Variants in NEDD1 observed in about 807,000 individuals in gnomAD.
The protein encoded by NEDD1 is NEDD1 gamma-tubulin ring complex targeting factor.
Under a neutral mutation model 74.0 loss-of-function variants are expected in NEDD1, and 33 were observed. The observed-to-expected ratio is 0.45, with a 90% CI of 0.34 to 0.60. The LOEUF (loss-of-function observed/expected upper bound fraction) is 0.60. NEDD1 is among the 20% of genes least tolerant of loss of function. NEDD1 has a pLI of 0.01. For synonymous variants in NEDD1, 250 were observed against 264.4 expected, an observed-to-expected ratio of 0.95 and a Z score of 0.53; for missense variants, 746 against 776.5, an observed-to-expected ratio of 0.96 and a Z score of 0.47.
chr12:96,923,849 CGT>C (rs138392345), intron 6 of NEDD1, among the ~76,000 whole-genome samples: 11 of 122,430 alleles, frequency 9.0e-5, no homozygotes, highest in South Asian at 2.7e-4. Context: ...TGCCTGTTTG[CGT>C]GTGTGTGTGT....
At position 96,920,030 on chromosome 12, in the gene NEDD1, T is replaced by A. The variant is rs1452603275; in HGVS notation, c.394T>A (p.Cys132Ser). The change falls in exon 6 of 16, where the codon TGC becomes AGC. Residue 132 changes from cysteine (C) to serine (S), a missense_variant. Cys to Ser is a moderately radical substitution (Grantham distance 112). Coordinates refer to ENST00000266742, the MANE Select transcript of NEDD1 (RefSeq NM_152905.4). ...TTGTGTAACATACAATTGGAATGAT[T>A]GCTACATTGCTTCTGGATCTCTTAG... is the stretch of plus-strand genomic sequence containing the variant. ...VTCVTYNWND[C>S]YIASGSLSGE... 7 of 1,601,152 alleles carry A rather than the reference T, an allele frequency of 4.4e-6. No homozygotes were observed. The highest frequency in any genetic ancestry group is 6.0e-6 in the Non-Finnish European group (7 of 1,168,784).
At chr12:96,926,451 A>G (rs1000224780) in intron 6 of NEDD1, among the ~76,000 whole-genome samples, 2 of 152,166 alleles carry the variant, frequency 1.3e-5, no homozygotes, top group African/African-American at 4.8e-5. Flanking sequence ...TTCTGCTGGT[A>G]AGGATGCAGT....
In NEDD1 at chr12:96,909,807, A is replaced by G. The variant is rs1873714361; in HGVS notation, c.48A>G (p.Ile16Met). The G allele has an allele frequency of 6.2e-7, 1 of 1,613,496 alleles. No individual in the cohort carries two copies. The highest frequency in any genetic ancestry group is 8.5e-7 in the Non-Finnish European group (1 of 1,179,544). ...CTTCATCAGGAGATGATATTAAAAT[A>G]TGGGATGCTTCATCTATGACATTGG... ...RFASSGDDIK[I>M]WDASSMTLVD... The change falls in exon 3 of 16, where the codon ATA becomes ATG. Residue 16 changes from isoleucine to methionine, a missense_variant. This residue lies in a region of NEDD1 where 11 missense variants were observed against 19.0 expected (regional missense o/e 0.58). Coordinates refer to ENST00000266742, the MANE Select transcript of NEDD1 (RefSeq NM_152905.4).
intron 9 of NEDD1, among the ~76,000 whole-genome samples, chr12:96,939,745 G>GA: frequency 6.6e-6 from 1 of 152,054 alleles, no homozygotes; most frequent in Non-Finnish European, 1.5e-5. Context: ...TACACTGCCA[G>GA]AAAAAATAAA....
At chr12:96,950,291 T>C (rs762620267) in intron 14 of NEDD1, among the ~76,000 whole-genome samples, 9 of 152,104 alleles carry the variant, frequency 5.9e-5, no homozygotes, top group Middle Eastern at 3.4e-3. Flanking sequence ...CTTGATGATA[T>C]AGAGCAAGAA....
At position 96,944,680 on chromosome 12, in the gene NEDD1, A is replaced by G. The variant is rs371712075; in HGVS notation, c.1539A>G (p.Leu513=). ...CATCTGGTGCTGAAAGTGGAAATCT[A>G]AATACCTCTCCATCATCTAACCAAA... is the stretch of plus-strand genomic sequence containing the variant. ...LVTSGAESGN[L]NTSPSSNQTR... Residue 513 remains leucine, a synonymous_variant, in exon 13 of 16, where the codon CTA becomes CTG. Coordinates refer to ENST00000266742, the MANE Select transcript of NEDD1 (RefSeq NM_152905.4). The G allele has an allele frequency of 4.3e-5, 69 of 1,601,884 alleles. 1 individual carries two copies. The East Asian group carries it at 6.5e-4, about 15-fold the overall frequency.
intron 6 of NEDD1, chr12:96,924,955 GATATCC>G: frequency 2.4e-6 from 1 of 410,834 alleles, no homozygotes; most frequent in South Asian, 1.8e-5. Context: ...TTGTTTTGTA[GATATCC>G]TTTATCTTAT....
At chr12:96,951,343 G>A (rs1852854857) in intron 14 of NEDD1, 89 bp from the exon 15 acceptor site, 2 of 651,834 alleles carry the variant, frequency 3.1e-6, no homozygotes, top group Non-Finnish European at 5.4e-6. Context: ...TCAGTAATTT[G>A]GCAAATGAAA....
At chr12:96,942,060 G>T (rs983941963) in intron 10 of NEDD1, among the ~76,000 whole-genome samples, 3 of 151,948 alleles carry the variant, frequency 2.0e-5, no homozygotes, top group Non-Finnish European at 2.9e-5. Flanking sequence ...GAATATTACA[G>T]GATTAAAATA....
At chr12:96,943,395 C>A (rs1036596743) in intron 11 of NEDD1, among the ~76,000 whole-genome samples, 165 bp from the exon 12 acceptor site, 9 of 151,986 alleles carry the variant, frequency 5.9e-5, no homozygotes, top group African/African-American at 1.9e-4. Flanking sequence ...AGACTTTTGC[C>A]CAAAAATACA....
In NEDD1 at chr12:96,912,705, C is replaced by G; in HGVS notation, c.137-18C>G. The G allele has an allele frequency of 8.1e-7, 1 of 1,229,866 alleles. No homozygotes were observed. The highest frequency in any genetic ancestry group is 1.2e-6 in the Non-Finnish European group (1 of 832,744). 76.2% of individuals were successfully genotyped at this position (1,229,866 alleles called of 1,614,324 possible). ...AGATGTTCATGGATTGTTTGATGCT[C>G]CATAACTCCTCATTTAGATAACTTT... On this transcript the variant is annotated intron_variant, in intron 3 of 15. Coordinates refer to ENST00000266742, the MANE Select transcript of NEDD1 (RefSeq NM_152905.4).
At chr12:96,915,657 G>A (rs1021386351) in intron 4 of NEDD1, among the ~76,000 whole-genome samples, 1 of 152,142 alleles carries the variant, frequency 6.6e-6, no homozygotes, top group African/African-American at 2.4e-5. Flanking sequence ...TGCATCTAAA[G>A]GTTACTTAGG....
intron 5 of NEDD1, among the ~76,000 whole-genome samples, 194 bp from the exon 6 acceptor site, chr12:96,919,791 C>T (rs1347939635): frequency 6.6e-6 from 1 of 152,128 alleles, no homozygotes; most frequent in Admixed American, 6.5e-5. Context: ...AATTACCTGT[C>T]CATAATCTCT....
chr12:96,918,028 A>G (rs954287177), intron 5 of NEDD1, among the ~76,000 whole-genome samples: 29 of 152,146 alleles, frequency 1.9e-4, no homozygotes, highest in African/African-American at 5.5e-4. Context: ...TTCCTAAACT[A>G]TGGTGTGTGG....
intron 3 of NEDD1, among the ~76,000 whole-genome samples, chr12:96,912,112 A>G (rs556623330): frequency 1.2e-3 from 170 of 141,442 alleles, no homozygotes; most frequent in African/African-American, 5.2e-3. Context: ...ATAAAATTAC[A>G]TTTTATTTAA....
chr12:96,920,949 G>A (rs552810410), intron 6 of NEDD1, among the ~76,000 whole-genome samples: 1 of 152,102 alleles, frequency 6.6e-6, no homozygotes, highest in South Asian at 2.1e-4. Flanking sequence ...TATATATTGG[G>A]GAATAATACA....
chr12:96,930,248 C>T (rs2086143622), intron 6 of NEDD1, among the ~76,000 whole-genome samples: 1 of 151,580 alleles, frequency 6.6e-6, no homozygotes, highest in South Asian at 2.1e-4. Flanking sequence ...CTCTCTCACA[C>T]TCTCACATGC....
At chr12:96,932,463 A>AAAAAAAATATAT in intron 6 of NEDD1, among the ~76,000 whole-genome samples, 2 of 9,438 alleles carry the variant, frequency 2.1e-4, no homozygotes, top group African/African-American at 6.7e-4. Context: ...AAAAAAAAAA[A>AAAAAAAATATAT]ATATATATAT....
At chr12:96,913,767 AATAAG>A (rs1032637876) in intron 4 of NEDD1, among the ~76,000 whole-genome samples, 8 of 152,256 alleles carry the variant, frequency 5.3e-5, no homozygotes, top group South Asian at 4.1e-4. Context: ...TTCTTTTTTA[AATAAG>A]ATAAGATTTA....
Sources: gnomAD v4.1 joint callset for allele counts (sites outside exome capture counted in the v4.1 genomes callset) on GRCh38, gnomAD v4.1.1 for gene constraint, gnomAD v4.1.1 regional missense constraint, MANE v1.5 for transcripts, NCBI Gene and HGNC (gene_info 2026-07-23, HGNC 2026-07-21) for gene names.